Variants in FBN3 observed in about 807,000 individuals in gnomAD.
FBN3 encodes fibrillin-3.
A neutral mutation model predicts 330.1 loss-of-function variants in FBN3; 234 were observed. That is an observed-to-expected ratio of 0.71 (90% confidence interval 0.64 to 0.79). The LOEUF (loss-of-function observed/expected upper bound fraction) is 0.79. FBN3 is among the 30% of genes least tolerant of loss of function. The pLI, the probability that FBN3 is intolerant of heterozygous loss-of-function variation, is 0.00. For missense variants in FBN3, 3,606 were observed against 3,886.9 expected, an observed-to-expected ratio of 0.93 and a Z score of 1.92; for synonymous variants, 1,458 against 1,517.3, an observed-to-expected ratio of 0.96 and a Z score of 0.91.
chr19:8,087,313 T>C, intron 53 of FBN3, 102 bp from the exon 54 acceptor site: 1 of 1,295,510 alleles, frequency 7.7e-7, no homozygotes, highest in East Asian at 2.6e-5. Context: ...CTGAGTGAGT[T>C]CCCTGCAGAC....
chr19:8,099,276 A>ATTTTTTTTTT (rs386388494), intron 41 of FBN3, among the ~76,000 whole-genome samples: 1 of 98,886 alleles, frequency 1.0e-5, no homozygotes, highest in Non-Finnish European at 1.9e-5. Flanking sequence ...TCATGGTTTG[A>ATTTTTTTTTT]TTTTTTTTTT....
Position 8,133,090 on chromosome 19 carries a change from G to T in FBN3, c.1608C>A (p.Ala536=). The change falls in exon 14 of 64, where the codon GCC becomes GCA. Residue 536 remains alanine, a synonymous_variant. Coordinates refer to ENST00000600128, the MANE Select transcript of FBN3 (RefSeq NM_032447.5). The stretch of plus-strand genomic sequence containing the variant: ...CGCCGTTGACGCACATGGTGCTGGT[G>T]GCACACTCGTTGTGGTCTGGGGACA... ...GKNCVDHNEC[A]TSTMCVNGVC... is the part of the protein sequence containing the mutation. 6.3e-7 allele frequency: 1 copy of T among 1,578,970 alleles called. No homozygotes were observed.
intron 25 of FBN3, 22 bp from the exon 26 acceptor site, chr19:8,119,044 G>C: frequency 6.3e-7 from 1 of 1,585,010 alleles, no homozygotes; most frequent in Non-Finnish European, 8.6e-7. Context: ...TGTGGAAAGA[G>C]AGAGCAGGCA....
chr19:8,104,966 T>A (rs544846528), intron 38 of FBN3, among the ~76,000 whole-genome samples: 52 of 152,048 alleles, frequency 3.4e-4, no homozygotes, highest in Middle Eastern at 3.4e-3. Context: ...TTTCTTTTAT[T>A]TTTTTTGAGA....
rs148360231 is a variant in FBN3, at chr19:8,071,202, G to T, written c.8088+846C>A. On this transcript the variant is annotated intron_variant, in intron 63 of 63. Transcript: ENST00000600128. Reference sequence around the variant, plus strand: ...CTGACCCATAGTCAGGGACTCTTCAGTTGAGGGGCAAGCAGCTGGCATCTG... The same window carrying T: ...CTGACCCATAGTCAGGGACTCTTCATTTGAGGGGCAAGCAGCTGGCATCTG... 1.2e-4 allele frequency among the ~76,000 whole-genome samples: 18 copies of T among 152,294 alleles called. No individual in the cohort carries two copies. The East Asian group carries it at 2.7e-3, about 23-fold the overall frequency.
At chr19:8,135,936 G>GTGCCCCCC in intron 13 of FBN3, 25 bp downstream of exon 13, 2 of 668,778 alleles carry the variant, frequency 3.0e-6, no homozygotes, top group Non-Finnish European at 4.8e-6. Flanking sequence ...GGAAGCCCCT[G>GTGCCCCCC]CCCACCCGCC....
intron 18 of FBN3, among the ~76,000 whole-genome samples, chr19:8,127,788 G>A (rs1202742066): frequency 6.6e-6 from 1 of 152,180 alleles, no homozygotes; most frequent in Non-Finnish European, 1.5e-5. Context: ...TTCGAGACCA[G>A]CCTGGCCAAC....
chr19:8,094,156 C>T (rs978875399), intron 47 of FBN3, among the ~76,000 whole-genome samples: 5 of 152,154 alleles, frequency 3.3e-5, no homozygotes, highest in Non-Finnish European at 5.9e-5. Flanking sequence ...CCTTGATCTC[C>T]AGTTAGCAAG....
intron 62 of FBN3, among the ~76,000 whole-genome samples, chr19:8,072,720 G>GCACACACACACACA (rs61403969): frequency 2.5e-4 from 38 of 149,580 alleles, no homozygotes; most frequent in Non-Finnish European, 2.2e-4. Flanking sequence ...ATGCGCGCGT[G>GCACACACACACACA]CACACACACA....
Position 8,129,439 on chromosome 19 carries a change from G to A in FBN3, c.2045-74C>T. 6.4e-7 allele frequency: 1 copy of A among 1,570,898 alleles called. No homozygotes were observed. Among genetic ancestry groups the A allele is most frequent in the Middle Eastern group, 1.9e-4 (1 of 5,392 alleles). ...CGAGGCAGGAGGAGGGTGTGTCGCG[G>A]CGCACCAGGGGTCTCTAGAAGTCAG... On this transcript the variant is annotated intron_variant, in intron 16 of 63. Coordinates refer to ENST00000600128, the MANE Select transcript of FBN3 (RefSeq NM_032447.5). This position sits in a 1 kb window ranked among gnomAD's most constrained non-coding sequence, Gnocchi z 4.5.
At chr19:8,141,261 G>A in intron 8 of FBN3, among the ~76,000 whole-genome samples, 1 of 151,112 alleles carries the variant, frequency 6.6e-6, no homozygotes, top group African/African-American at 2.4e-5. Flanking sequence ...CAGCTACTTG[G>A]GAGGCTGAGG....
intron 60 of FBN3, 32 bp from the exon 61 acceptor site, chr19:8,075,222 C>G (rs372140427): frequency 1.7e-4 from 261 of 1,574,520 alleles, no homozygotes; most frequent in Non-Finnish European, 2.1e-4. Context: ...AGAGGGTTTA[C>G]CAGACGGCTC....
At chr19:8,146,067 G>C in intron 4 of FBN3, 60 bp downstream of exon 4, 1 of 1,526,108 alleles carries the variant, frequency 6.6e-7, no homozygotes, top group Non-Finnish European at 8.9e-7. Flanking sequence ...CAGGCTCCTC[G>C]TGGCAACCAG....
At chr19:8,111,022 C>T (rs773192133) in intron 33 of FBN3, 36 bp downstream of exon 33, 9 of 1,613,730 alleles carry the variant, frequency 5.6e-6, no homozygotes, top group African/African-American at 1.3e-5. Context: ...GGGGACCTAC[C>T]CACTCTGTCC....
rs1599243494 is a variant in FBN3, at chr19:8,066,199, A to C, written c.8150T>G (p.Leu2717Arg). The change falls in exon 64 of 64, where the codon CTG becomes CGG. Residue 2717 changes from leucine (L) to arginine (R), a missense_variant. By Grantham distance (102) the Leu-to-Arg change is moderately radical. Coordinates refer to ENST00000600128, the MANE Select transcript of FBN3 (RefSeq NM_032447.5). ...LLTLGLNLSHLGRAERILELR... is the reference protein window; with the variant it reads ...LLTLGLNLSHRGRAERILELR... ...CTCCAGGATGCGCTCGGCCCGGCCC[A>C]GGTGTGAGAGGTTCAGGCCCAAGGT... 1 of 1,607,536 alleles carries C rather than the reference A, an allele frequency of 6.2e-7. No homozygotes were observed. Among genetic ancestry groups the C allele is most frequent in the Non-Finnish European group, 8.5e-7 (1 of 1,176,120 alleles).
Position 8,102,140 on chromosome 19 carries a change from C to T in FBN3, c.5089+584G>A, listed in dbSNP as rs183814892. Among the ~76,000 whole-genome samples, 3 of 152,334 alleles carry T rather than the reference C, an allele frequency of 2.0e-5. No individual in the cohort carries two copies. In the East Asian group the frequency reaches 5.8e-4, roughly 29 times the overall value. On this transcript the variant is annotated intron_variant, in intron 40 of 63. Transcript: ENST00000600128. ...GTAAGACGTGCTTTTGCTCCTCCTT[C>T]ACCTTCTGCCATGATTGTGAGGCCT...
At chr19:8,086,130 G>T (rs1225807365) in intron 55 of FBN3, 70 bp downstream of exon 55, 23 of 1,121,208 alleles carry the variant, frequency 2.1e-5, no homozygotes, top group South Asian at 1.6e-4. Context: ...AACAGGCAGT[G>T]GGGGGGGACA....
At chr19:8,114,128 G>C (rs2082655097) in intron 30 of FBN3, among the ~76,000 whole-genome samples, 1 of 152,112 alleles carries the variant, frequency 6.6e-6, no homozygotes, top group Admixed American at 6.6e-5. Flanking sequence ...CAGCAAGGAG[G>C]CATGGAACAC....
rs143403790 is a variant in FBN3, at chr19:8,095,060, C to T, written c.5785+315G>A. On this transcript the variant is annotated intron_variant, in intron 46 of 63. Transcript: ENST00000600128. ...GATCATAGCTCACTGCATCCTCAAACTCCTGGGCTCAAGTGATTCTCCTGC... is the reference window on the plus strand; with the variant it reads ...GATCATAGCTCACTGCATCCTCAAATTCCTGGGCTCAAGTGATTCTCCTGC... Among the ~76,000 whole-genome samples the T allele has an allele frequency of 1.3e-3, 202 of 152,214 alleles. 1 individual carries two copies. In the East Asian group the frequency reaches 0.033, roughly 25 times the overall value.
Sources: allele counts gnomAD v4.1 joint callset (sites outside exome capture counted in the v4.1 genomes callset), GRCh38; gene constraint gnomAD v4.1.1; non-coding constraint Gnocchi (gnomAD v3.1); transcripts MANE v1.5; gene names NCBI Gene and HGNC (gene_info 2026-07-23, HGNC 2026-07-21).